NRXN1: variants seen among roughly 807,000 people sequenced by gnomAD.
NRXN1 encodes the protein neurexin-1.
NRXN1 carries 39 observed loss-of-function variants against 150.9 expected under a neutral mutation model. The observed-to-expected ratio is 0.26, with a 90% CI of 0.20 to 0.34. NRXN1 has a LOEUF of 0.34. Ranked by LOEUF, NRXN1 falls within the 10% of genes least tolerant of loss-of-function variation. NRXN1 has a pLI of 1.00. For synonymous variants in NRXN1, 924 were observed against 757.0 expected, an observed-to-expected ratio of 1.22 and a Z score of -3.62; for missense variants, 1,815 against 1,949.9, an observed-to-expected ratio of 0.93 and a Z score of 1.30.
intron 2 of NRXN1, among the ~76,000 whole-genome samples, chr2:50,937,514 T>G (rs1161353560): frequency 6.6e-6 from 1 of 152,152 alleles, no homozygotes; most frequent in Non-Finnish European, 1.5e-5. Context: ...CTCAATCAAC[T>G]GGACATGTCA....
chr2:50,846,091 T>A (rs547854878), intron 5 of NRXN1, among the ~76,000 whole-genome samples: 2 of 152,258 alleles, frequency 1.3e-5, no homozygotes, highest in African/African-American at 4.8e-5. Context: ...AAGGCAGGAG[T>A]AGAGGAGGTC....
At chr2:50,771,385 A>G (rs940778719) in intron 5 of NRXN1, among the ~76,000 whole-genome samples, 2 of 152,070 alleles carry the variant, frequency 1.3e-5, no homozygotes, top group African/African-American at 4.8e-5. Flanking sequence ...CAACTTAACA[A>G]TTTGGTTGCC....
intron 21 of NRXN1, among the ~76,000 whole-genome samples, chr2:50,025,174 A>C (rs1688099077): frequency 6.6e-6 from 1 of 152,164 alleles, no homozygotes; most frequent in African/African-American, 2.4e-5. Flanking sequence ...AGCAACAAAA[A>C]ATGTTCTTTT....
chr2:51,018,013 C>A (rs1669001732), intron 2 of NRXN1, among the ~76,000 whole-genome samples: 1 of 152,038 alleles, frequency 6.6e-6, no homozygotes, highest in Non-Finnish European at 1.5e-5. Flanking sequence ...CTTGTCTCCG[C>A]TGGACGGGGC....
chr2:50,117,596 A>G (rs1703238407), intron 18 of NRXN1, among the ~76,000 whole-genome samples: 1 of 152,206 alleles, frequency 6.6e-6, no homozygotes. Flanking sequence ...CAAGTATTAA[A>G]TGAATACACC....
rs576746991 is a variant in NRXN1 at position 50,495,682 on chromosome 2, T to C, written c.3070+223A>G. ...TTTTTACATTTTAATCATGCATGCT[T>C]CCTTAGGTGCTGCATTTTTTGAGCT... On this transcript the variant is annotated intron_variant, in intron 15 of 22. Transcript: ENST00000401669. Among the ~76,000 whole-genome samples, 3 of 152,302 alleles carry C rather than the reference T, an allele frequency of 2.0e-5. No individual in the cohort carries two copies. In the East Asian group the frequency reaches 5.8e-4, roughly 29 times the overall value.
chr2:50,775,790 C>T (rs1274052598), intron 5 of NRXN1, among the ~76,000 whole-genome samples: 3 of 152,060 alleles, frequency 2.0e-5, no homozygotes, highest in African/African-American at 2.4e-5. Context: ...TTTGTCTTAA[C>T]ATTTTGGTCT....
rs541850160 is a variant in NRXN1, at chr2:49,938,061, T to C, written c.4216+5643A>G. 4.6e-5 allele frequency among the ~76,000 whole-genome samples: 7 copies of C among 152,304 alleles called. No individual in the cohort carries two copies. The East Asian group carries it at 1.2e-3, about 25-fold the overall frequency. ...GGTAATTGCAACAAATTTAGCTTAA[T>C]AGTAATACATGTAAAGAATATGACA... On this transcript the variant is annotated intron_variant, in intron 22 of 22. Transcript: ENST00000401669.
At chr2:50,134,623 C>CA (rs1706100353) in intron 18 of NRXN1, among the ~76,000 whole-genome samples, 1 of 152,130 alleles carries the variant, frequency 6.6e-6, no homozygotes, top group Non-Finnish European at 1.5e-5. Flanking sequence ...AGCCCCATCC[C>CA]AAATGTGAGA....
chr2:50,724,849 C>T (rs1033975056), intron 5 of NRXN1, among the ~76,000 whole-genome samples: 13 of 151,888 alleles, frequency 8.6e-5, no homozygotes, highest in Non-Finnish European at 1.3e-4. Flanking sequence ...CCTTTCATGC[C>T]GTGGAAGCTT....
chr2:50,408,451 G>A (rs2082906915), intron 17 of NRXN1, among the ~76,000 whole-genome samples: 1 of 152,198 alleles, frequency 6.6e-6, no homozygotes, highest in Admixed American at 6.5e-5. Context: ...TGATGTAGCT[G>A]AGATAGCCAG....
At chr2:50,003,351 C>T (rs1044456713) in intron 21 of NRXN1, among the ~76,000 whole-genome samples, 2 of 152,052 alleles carry the variant, frequency 1.3e-5, no homozygotes, top group African/African-American at 4.8e-5. Context: ...TGTTAAGTAT[C>T]TCTATTTGTA....
chr2:49,958,178 G>A (rs1675310676), intron 21 of NRXN1, among the ~76,000 whole-genome samples: 1 of 152,122 alleles, frequency 6.6e-6, no homozygotes, highest in Admixed American at 6.6e-5. Flanking sequence ...CTTCATTAGA[G>A]AATTTGCCTT....
At position 50,922,665 on chromosome 2, in the gene NRXN1, G is replaced by A. The variant is rs56161058; in HGVS notation, c.813C>T (p.Gly271=). The A allele has an allele frequency of 6.6e-5, 107 of 1,610,072 alleles. No homozygotes were observed. Among genetic ancestry groups the A allele is most frequent in the East Asian group, 9.0e-5 (4 of 44,510 alleles). The change falls in exon 4 of 23, where the codon GGC becomes GGT. Residue 271 remains glycine, a synonymous_variant. Transcript: ENST00000401669. ...AAGGAACAGAGCCCATACCTTGGTC[G>A]CCCATCATCAGGTGCGCCAGACCTT... ...NVEGLAHLMM[G]DQGKSKGKEE...
chr2:50,689,173 AC>A (rs1691697004), intron 5 of NRXN1, among the ~76,000 whole-genome samples: 2 of 152,196 alleles, frequency 1.3e-5, no homozygotes, highest in Non-Finnish European at 2.9e-5. Flanking sequence ...TATTAAAAAA[AC>A]AAATTGAAAC....
intron 5 of NRXN1, among the ~76,000 whole-genome samples, chr2:50,634,414 C>T (rs962175370): frequency 6.6e-6 from 1 of 151,948 alleles, no homozygotes; most frequent in Non-Finnish European, 1.5e-5. Context: ...TAAATGAAGA[C>T]AATAATACTA....
intron 17 of NRXN1, among the ~76,000 whole-genome samples, chr2:50,329,481 T>C (rs1421121796): frequency 4.7e-5 from 7 of 150,008 alleles, no homozygotes; most frequent in Admixed American, 4.0e-4. Flanking sequence ...AGTTTGGCAG[T>C]GAGTATTAAA....
chr2:50,753,748 G>A (rs1389310271), intron 5 of NRXN1, among the ~76,000 whole-genome samples: 1 of 151,798 alleles, frequency 6.6e-6, no homozygotes, highest in Non-Finnish European at 1.5e-5. Context: ...TGATTAGATA[G>A]GGGAATAAAA....
At chr2:50,705,542 T>C (rs1261417065) in intron 5 of NRXN1, among the ~76,000 whole-genome samples, 1 of 152,208 alleles carries the variant, frequency 6.6e-6, no homozygotes, top group Non-Finnish European at 1.5e-5. Context: ...ATGAATAAGA[T>C]ATATCTTGAC....
Sources: allele counts gnomAD v4.1 joint callset (sites outside exome capture counted in the v4.1 genomes callset), GRCh38; gene constraint gnomAD v4.1.1; transcripts MANE v1.5; gene names NCBI Gene and HGNC (gene_info 2026-07-23, HGNC 2026-07-21).